ABR: variants seen among roughly 807,000 people sequenced by gnomAD.
ABR encodes the protein active breakpoint cluster region-related protein.
In ABR, 35 loss-of-function variants were observed where a neutral mutation model predicts 107.2. That is an observed-to-expected ratio of 0.33 (90% CI 0.25 to 0.43). ABR has a LOEUF of 0.43. ABR is among the 20% of genes least tolerant of loss of function. The probability of loss-of-function intolerance (pLI) is 1.00; values close to 1 mark genes in which losing one functional copy is unlikely to be tolerated. For synonymous variants in ABR, 498 were observed against 462.0 expected (o/e 1.08, Z -1.00); for missense variants, 815 against 1,115.2 (o/e 0.73, Z 3.83).
intron 2 of ABR, among the ~76,000 whole-genome samples, chr17:1,103,735 G>C (rs1470996444): frequency 6.6e-6 from 1 of 152,124 alleles, no homozygotes; most frequent in African/African-American, 2.4e-5. Flanking sequence ...TCCTGCTCTG[G>C]GCCCCGTTCA....
rs1009117128 is a variant in ABR at position 1,078,298 on chromosome 17, C to T, written c.700+1032G>A. ...TCCTCCGCCTACTGCTGCATGTGCGCGGAGCACACAATACCGTGCCGCCCA... is the reference window on the plus strand; with the variant it reads ...TCCTCCGCCTACTGCTGCATGTGCGTGGAGCACACAATACCGTGCCGCCCA... On this transcript the variant is annotated intron_variant, in intron 6 of 22. Transcript: ENST00000302538. The surrounding 1 kb of genome is among the most constrained non-coding windows in gnomAD (Gnocchi z 7.5). 2.0e-5 allele frequency among the ~76,000 whole-genome samples: 3 copies of T among 152,132 alleles called. No homozygotes were observed. The highest frequency in any genetic ancestry group is 1.9e-4 in the East Asian group (1 of 5,184).
chr17:1,211,792 G>A (rs889855874), intron 1 of ABR, among the ~76,000 whole-genome samples: 1 of 152,118 alleles, frequency 6.6e-6, no homozygotes, highest in South Asian at 2.1e-4. Flanking sequence ...GTAAATTACT[G>A]TAACAAGGCC....
chr17:1,045,681 G>A (rs893391524), intron 16 of ABR, among the ~76,000 whole-genome samples: 3 of 152,204 alleles, frequency 2.0e-5, no homozygotes, highest in East Asian at 1.9e-4. Context: ...ATTTAGCACC[G>A]TGCTGGGCTC....
chr17:1,188,122 G>A (rs1190707571), upstream of ABR, among the ~76,000 whole-genome samples: 7 of 151,962 alleles, frequency 4.6e-5, no homozygotes, highest in East Asian at 5.8e-4. Context: ...GGCTGAAGCC[G>A]GAAAATCACT....
rs1055117916 is a variant in ABR, at chr17:1,078,656, C to T, written c.700+674G>A. 1.3e-6 allele frequency: 1 copy of T among 767,036 alleles called. No individual in the cohort carries two copies. The highest frequency in any genetic ancestry group is 2.1e-6 in the Non-Finnish European group (1 of 482,494). The allele number at this position is 767,036 out of a possible 1,614,324, so 47.5% of individuals were successfully genotyped here. A position where few individuals can be genotyped will look rare whatever the true frequency, so the allele number is the denominator to read the frequency against. On this transcript the variant is annotated intron_variant, in intron 6 of 22. Coordinates refer to ENST00000302538, the MANE Select transcript of ABR (RefSeq NM_021962.5). This position sits in a 1 kb window ranked among gnomAD's most constrained non-coding sequence, Gnocchi z 7.5. ...GCAGCCCCCAGGTTTCAACTCTAGGCTGGATGCCGCCAAAACGAAGGGGGA... is the reference window on the plus strand; with the variant it reads ...GCAGCCCCCAGGTTTCAACTCTAGGTTGGATGCCGCCAAAACGAAGGGGGA...
At chr17:1,156,197 G>A (rs542164747) in intron 1 of ABR, 1 of 152,324 alleles carries the variant, frequency 6.6e-6, no homozygotes, top group African/African-American at 2.4e-5. Flanking sequence ...ATGCTGTGGG[G>A]AAGAGCCTAG....
intron 2 of ABR, among the ~76,000 whole-genome samples, chr17:1,107,472 T>C (rs374172179): frequency 1.3e-5 from 2 of 152,352 alleles, no homozygotes; most frequent in East Asian, 3.9e-4. Flanking sequence ...TCTGAGCATC[T>C]GAGCAGAATG....
intron 3 of ABR, among the ~76,000 whole-genome samples, chr17:1,098,979 G>C (rs529379421): frequency 4.4e-4 from 67 of 152,084 alleles, no homozygotes; most frequent in Non-Finnish European, 7.6e-4. Context: ...TAGAGATGGG[G>C]CTTCACCATG....
intron 13 of ABR, 40 bp from the exon 14 acceptor site, chr17:1,056,149 C>A: frequency 6.3e-7 from 1 of 1,581,914 alleles, no homozygotes; most frequent in Non-Finnish European, 8.7e-7. Flanking sequence ...GGGTGGTCAG[C>A]GGATCCCCTC....
At chr17:1,113,304 T>TTTTTTG (rs2038817486) in intron 2 of ABR, among the ~76,000 whole-genome samples, 1 of 146,430 alleles carries the variant, frequency 6.8e-6, no homozygotes, top group Admixed American at 6.8e-5. Flanking sequence ...TTTTTTTTTT[T>TTTTTTG]GAGACGGAGT....
intron 16 of ABR, among the ~76,000 whole-genome samples, chr17:1,025,554 G>T (rs998730927): frequency 6.6e-6 from 1 of 152,104 alleles, no homozygotes; most frequent in Non-Finnish European, 1.5e-5. Flanking sequence ...CCCACGTAAC[G>T]CCCCACACTG....
chr17:1,200,647 G>A lies in ABR; in HGVS notation c.838+28146C>T, dbSNP rs919620063. On this transcript the variant is annotated intron_variant, in intron 1 of 22. Transcript: ENST00000574139. This position sits in a 1 kb window ranked among gnomAD's most constrained non-coding sequence, Gnocchi z 4.1. ...AGCAGAACAAGTTTCACCTAGATGA[G>A]CTATGACCTCACTTTATTCGGGGCC... is the stretch of plus-strand genomic sequence containing the variant. Among the ~76,000 whole-genome samples, 1 of 152,076 alleles carries A rather than the reference G, an allele frequency of 6.6e-6. No homozygotes were observed. The highest frequency in any genetic ancestry group is 1.5e-5 in the Non-Finnish European group (1 of 68,022).
chr17:1,088,778 G>A (rs574905879), intron 4 of ABR, among the ~76,000 whole-genome samples: 4 of 151,984 alleles, frequency 2.6e-5, no homozygotes, highest in East Asian at 3.9e-4. Flanking sequence ...TAGTAGAAAC[G>A]GGGTTTCACC....
At chr17:1,159,779 G>A (rs925719655) in intron 1 of ABR, among the ~76,000 whole-genome samples, 2 of 149,902 alleles carry the variant, frequency 1.3e-5, no homozygotes, top group African/African-American at 4.9e-5. Context: ...CACACAGGAA[G>A]CACTCAGTAA....
At position 1,094,447 on chromosome 17, in the gene ABR, T is replaced by C. The variant is rs186401311; in HGVS notation, c.346-2597A>G. Among the ~76,000 whole-genome samples the C allele has an allele frequency of 3.0e-3, 447 of 151,428 alleles. 1 individual carries two copies. The highest frequency in any genetic ancestry group is 9.8e-3 in the African/African-American group (404 of 41,174). On this transcript the variant is annotated intron_variant, in intron 3 of 22. Transcript: ENST00000302538. ...GTGCAATAGTGCAATCTCGGCTCAC[T>C]GCAACCTCCGCCTCCCAGGTTCAAG...
At position 1,103,645 on chromosome 17, in the gene ABR, T is replaced by C. The variant is rs551456100; in HGVS notation, c.247-2910A>G. On this transcript the variant is annotated intron_variant, in intron 2 of 22. Coordinates refer to ENST00000302538, the MANE Select transcript of ABR (RefSeq NM_021962.5). ...CTCCCCTCAAGACTTCCATTCATAG[T>C]CCACTCTTGAAAGGCTGGTTCTGAT... Among the ~76,000 whole-genome samples, 5 of 152,224 alleles carry C rather than the reference T, an allele frequency of 3.3e-5. No homozygotes were observed. The East Asian group carries it at 9.7e-4, about 29-fold the overall frequency.
In ABR at chr17:1,079,294, G is replaced by C. The variant is rs755609550; in HGVS notation, c.700+36C>G. 15 of 1,605,526 alleles carry C rather than the reference G, an allele frequency of 9.3e-6. No homozygotes were observed. The East Asian group carries it at 3.4e-4, about 36-fold the overall frequency. The stretch of plus-strand genomic sequence containing the variant: ...CTGTTGCCTGCACAGCCAGACAAAG[G>C]TAGGTGCCTGTAATCCAGCCCGCTC... On this transcript the variant is annotated intron_variant, in intron 6 of 22. Coordinates refer to ENST00000302538, the MANE Select transcript of ABR (RefSeq NM_021962.5).
At chr17:1,049,100 C>T (rs1434047346) in intron 16 of ABR, among the ~76,000 whole-genome samples, 1 of 152,166 alleles carries the variant, frequency 6.6e-6, no homozygotes, top group Non-Finnish European at 1.5e-5. Context: ...TTCAGAGACA[C>T]AGGCTGCACA....
intron 1 of ABR, among the ~76,000 whole-genome samples, chr17:1,160,408 C>T (rs1438327741): frequency 1.3e-5 from 2 of 152,180 alleles, no homozygotes; most frequent in Non-Finnish European, 2.9e-5. Context: ...GTAGGAATTA[C>T]ACCCCAAATT....
Sources: allele counts gnomAD v4.1 joint callset (sites outside exome capture counted in the v4.1 genomes callset), GRCh38; gene constraint gnomAD v4.1.1; non-coding constraint Gnocchi (gnomAD v3.1); transcripts MANE v1.5; gene names NCBI Gene and HGNC (gene_info 2026-07-23, HGNC 2026-07-21).